Variants in DOCK1 observed in about 807,000 individuals in gnomAD.
DOCK1 encodes dedicator of cytokinesis 1.
A neutral mutation model predicts 262.7 loss-of-function variants in DOCK1; 138 were observed. The ratio of observed to expected loss-of-function variants is 0.53; its 90% CI spans 0.46 to 0.61. The LOEUF is 0.61. Ranked by LOEUF, DOCK1 falls within the 20% of genes least tolerant of loss-of-function variation. The probability of loss-of-function intolerance (pLI) is 0.00; values close to 1 mark genes in which losing one functional copy is unlikely to be tolerated. For synonymous variants in DOCK1, 866 were observed against 867.4 expected (o/e 1.00, Z 0.03); for missense variants, 1,908 against 2,370.7 (o/e 0.80, Z 4.05).
intron 19 of DOCK1, among the ~76,000 whole-genome samples, chr10:127,038,876 G>C (rs74439239): frequency 6.6e-6 from 1 of 152,084 alleles, no homozygotes; most frequent in Non-Finnish European, 1.5e-5. Flanking sequence ...TTCCTTGTAC[G>C]TGAGGAAGCG....
intron 38 of DOCK1, among the ~76,000 whole-genome samples, chr10:127,396,321 CT>C (rs1369261274): frequency 3.9e-5 from 6 of 152,198 alleles, no homozygotes; most frequent in Admixed American, 3.9e-4. Flanking sequence ...CTGGATCCCC[CT>C]ATCCCAGGAC....
At chr10:127,191,850 T>G (rs1158699474) in intron 27 of DOCK1, among the ~76,000 whole-genome samples, 1 of 152,214 alleles carries the variant, frequency 6.6e-6, no homozygotes, top group African/African-American at 2.4e-5. Flanking sequence ...GATATAGCTG[T>G]GATCATCTCT....
intron 29 of DOCK1, among the ~76,000 whole-genome samples, chr10:127,277,732 C>T (rs2060794546): frequency 6.6e-6 from 1 of 152,126 alleles, no homozygotes; most frequent in Non-Finnish European, 1.5e-5. Flanking sequence ...CACGGTACTC[C>T]AGCCTGGGTG....
chr10:127,347,216 TAAAAGGG>T (rs1275096530), intron 31 of DOCK1, among the ~76,000 whole-genome samples: 2 of 152,226 alleles, frequency 1.3e-5, no homozygotes, highest in African/African-American at 4.8e-5. Context: ...ATTGTCCGCA[TAAAAGGG>T]ATTCAGTGCC....
At chr10:127,406,153 G>C (rs954851217) in intron 40 of DOCK1, among the ~76,000 whole-genome samples, 3 of 152,212 alleles carry the variant, frequency 2.0e-5, no homozygotes, top group African/African-American at 7.2e-5. Context: ...GGTGCGTGTG[G>C]CCCCTGTGGA....
At chr10:127,432,861 A>G (rs1297446811) in intron 47 of DOCK1, among the ~76,000 whole-genome samples, 3 of 152,150 alleles carry the variant, frequency 2.0e-5, no homozygotes, top group African/African-American at 7.2e-5. Context: ...TTATGGATTC[A>G]TGCATTTTGA....
rs2044823364 is a variant in DOCK1, at chr10:127,052,761, A to C, written c.2282A>C (p.Lys761Thr). The C allele has an allele frequency of 1.2e-6, 2 of 1,613,892 alleles. No individual in the cohort carries two copies. The change falls in exon 22 of 52, where the codon AAA becomes ACA. Residue 761 changes from lysine (K) to threonine (T), a missense_variant. Transcript: ENST00000623213. The part of the protein sequence containing the change: ...GVNEQLYKAM[K>T]ALESIFKFIV... ...AATGAGCAGCTGTACAAAGCCATGA[A>C]AGCGCTAGAATCCATCTTCAAGTTC...
At chr10:126,953,033 G>C (rs890053478) in intron 1 of DOCK1, among the ~76,000 whole-genome samples, 4 of 151,054 alleles carry the variant, frequency 2.6e-5, no homozygotes, top group South Asian at 4.2e-4. Flanking sequence ...GGTGCTGCTG[G>C]TGGTGGTAGT....
intron 32 of DOCK1, among the ~76,000 whole-genome samples, chr10:127,356,795 C>T (rs2064168557): frequency 1.3e-5 from 2 of 152,204 alleles, no homozygotes; most frequent in Non-Finnish European, 2.9e-5. Context: ...TCTCTGGACA[C>T]AGGCTCTCTC....
chr10:126,923,939 C>CG (rs969710132), intron 1 of DOCK1, among the ~76,000 whole-genome samples: 9 of 152,222 alleles, frequency 5.9e-5, no homozygotes, highest in African/African-American at 1.9e-4. Context: ...CCAAATCCAC[C>CG]TGCCCCTCAG....
At position 127,425,965 on chromosome 10, in the gene DOCK1, A is replaced by G. The variant is rs777709012; in HGVS notation, c.4868A>G (p.Lys1623Arg). ...PFHERMEACF[K>R]QLKEKVEKEY... The stretch of plus-strand genomic sequence containing the variant: ...CACGAGAGGATGGAGGCCTGTTTCA[A>G]ACAGCTGAAGGAAAAGGTGGAGAAA... The change falls in exon 47 of 52, where the codon AAA (lysine) becomes AGA (arginine). Residue 1623 changes from lysine to arginine, a missense_variant. Around this residue, in one of 9 missense-constraint regions of DOCK1, gnomAD observed 383 missense variants for 420.1 expected, o/e 0.91. Coordinates refer to ENST00000623213, the MANE Select transcript of DOCK1 (RefSeq NM_001290223.2). 1.5e-5 allele frequency: 24 copies of G among 1,613,946 alleles called. No individual in the cohort carries two copies. Among genetic ancestry groups the G allele is most frequent in the Middle Eastern group, 1.6e-4 (1 of 6,082 alleles).
intron 29 of DOCK1, among the ~76,000 whole-genome samples, chr10:127,315,718 G>C (rs1157129872): frequency 1.3e-5 from 2 of 152,106 alleles, no homozygotes; most frequent in Non-Finnish European, 2.9e-5. Flanking sequence ...TTTCCACATA[G>C]CTGGGTTGGG....
Position 127,100,828 on chromosome 10 carries a change from C to T in DOCK1, c.2446-5403C>T, listed in dbSNP as rs1036346142. On this transcript the variant is annotated intron_variant, in intron 23 of 51. Transcript: ENST00000623213. This position sits in a 1 kb window ranked among gnomAD's most constrained non-coding sequence, Gnocchi z 5.5. ...GCAGGAACAGAGCTGTGGTGCGGGCCGGAGTCAGGCTGCAGTGGGAGTGAG... is the reference window on the plus strand; with the variant it reads ...GCAGGAACAGAGCTGTGGTGCGGGCTGGAGTCAGGCTGCAGTGGGAGTGAG... Among the ~76,000 whole-genome samples the T allele has an allele frequency of 4.6e-5, 7 of 152,024 alleles. No homozygotes were observed. Among genetic ancestry groups the T allele is most frequent in the Non-Finnish European group, 5.9e-5 (4 of 68,008 alleles).
chr10:127,270,818 TCA>T (rs1435241303), intron 29 of DOCK1, among the ~76,000 whole-genome samples: 2 of 152,186 alleles, frequency 1.3e-5, no homozygotes, highest in African/African-American at 2.4e-5. Flanking sequence ...CTTTGTAACA[TCA>T]GACTGATTTT....
intron 29 of DOCK1, among the ~76,000 whole-genome samples, chr10:127,328,599 C>G (rs1403270475): frequency 6.6e-6 from 1 of 151,730 alleles, no homozygotes. Flanking sequence ...GGCAGGGACG[C>G]CAGGGACGGC....
intron 2 of DOCK1, among the ~76,000 whole-genome samples, chr10:126,973,949 A>T (rs2038309803): frequency 6.6e-6 from 1 of 152,168 alleles, no homozygotes; most frequent in African/African-American, 2.4e-5. Context: ...TCTAGATGAT[A>T]AATCTTTATT....
intron 1 of DOCK1, among the ~76,000 whole-genome samples, chr10:126,949,051 G>A (rs1241887821): frequency 1.3e-5 from 2 of 152,112 alleles, no homozygotes; most frequent in East Asian, 1.9e-4. Flanking sequence ...CCACCCTTCG[G>A]GATCCTGGCC....
intron 29 of DOCK1, among the ~76,000 whole-genome samples, chr10:127,323,628 G>A (rs2766051): frequency 0.22 from 33,201 of 152,136 alleles, 4,810 homozygotes; most frequent in African/African-American, 0.42. Flanking sequence ...TCCGTGGGGT[G>A]CACAGAAGGA....
intron 29 of DOCK1, among the ~76,000 whole-genome samples, chr10:127,324,158 A>C (rs965874308): frequency 6.6e-6 from 1 of 152,188 alleles, no homozygotes; most frequent in Non-Finnish European, 1.5e-5. Context: ...GTGGGGGAGA[A>C]TCCGCTTCTG....
Sources: gnomAD v4.1 joint callset for allele counts (sites outside exome capture counted in the v4.1 genomes callset) on GRCh38, gnomAD v4.1.1 for gene constraint, gnomAD v4.1.1 regional missense constraint, Gnocchi (gnomAD v3.1) non-coding constraint, MANE v1.5 for transcripts, NCBI Gene and HGNC (gene_info 2026-07-23, HGNC 2026-07-21) for gene names.